Variants in OTOGL observed in about 807,000 individuals in gnomAD.
OTOGL encodes the protein otogelin-like protein.
A neutral mutation model predicts 318.5 loss-of-function variants in OTOGL; 285 were observed. The observed-to-expected ratio is 0.89, with a 90% CI of 0.81 to 0.99. The LOEUF (loss-of-function observed/expected upper bound fraction) is 0.99. Ranked by LOEUF, OTOGL falls within the 50% of genes least tolerant of loss-of-function variation. The probability of loss-of-function intolerance (pLI) is 0.00; values close to 1 mark genes in which losing one functional copy is unlikely to be tolerated. For synonymous variants in OTOGL, 987 were observed against 936.5 expected, an observed-to-expected ratio of 1.05 and a Z score of -0.99; for missense variants, 2,899 against 2,845.6, an observed-to-expected ratio of 1.02 and a Z score of -0.43.
rs1882575900 is a variant in OTOGL, at chr12:80,262,028, C to T, written c.1949C>T (p.Ser650Phe). 4.3e-6 allele frequency: 7 copies of T among 1,613,054 alleles called. No individual in the cohort carries two copies. The South Asian group carries it at 7.7e-5, about 18-fold the overall frequency. The change falls in exon 19 of 59, where the codon TCT (serine) becomes TTT (phenylalanine). Residue 650 changes from serine (S) to phenylalanine (F), a missense_variant. This residue lies in a region of OTOGL where 2,607 missense variants were observed against 2,524.9 expected (regional missense o/e 1.03). Transcript: ENST00000547103. ...PQLHANAWRVSSTCFAPVHVP... is the reference protein window; with the variant it reads ...PQLHANAWRVFSTCFAPVHVP... ...CTTCACGCAAATGCGTGGAGAGTTTCTTCTACCTGTTTTGCACCTGTTCAT... is the reference window on the plus strand; with the variant it reads ...CTTCACGCAAATGCGTGGAGAGTTTTTTCTACCTGTTTTGCACCTGTTCAT...
intron 35 of OTOGL, among the ~76,000 whole-genome samples, chr12:80,324,132 T>C (rs892872797): frequency 6.6e-6 from 1 of 152,182 alleles, no homozygotes; most frequent in East Asian, 1.9e-4. Context: ...AATGTAAATA[T>C]ATAATGCAAC....
chr12:80,290,292 G>T (rs933304920), intron 26 of OTOGL, among the ~76,000 whole-genome samples: 3 of 151,826 alleles, frequency 2.0e-5, no homozygotes, highest in Non-Finnish European at 4.4e-5. Context: ...CCCACCTTCT[G>T]CATTGGTCTC....
intron 1 of OTOGL, among the ~76,000 whole-genome samples, chr12:80,129,796 CTCAG>C (rs887120349): frequency 9.2e-5 from 14 of 152,204 alleles, no homozygotes; most frequent in African/African-American, 3.1e-4. Context: ...TTTTTTTTAA[CTCAG>C]TCATTTTTTT....
At chr12:80,139,375 T>C (rs17006415) in intron 1 of OTOGL, among the ~76,000 whole-genome samples, 9,735 of 152,278 alleles carry the variant, frequency 0.064, 984 homozygotes, top group African/African-American at 0.22. Context: ...TTTTATCCTT[T>C]ATAACTGAGC....
intron 1 of OTOGL, among the ~76,000 whole-genome samples, chr12:80,176,797 A>AT (rs75264200): frequency 7.9e-5 from 12 of 152,038 alleles, no homozygotes; most frequent in African/African-American, 2.7e-4. Flanking sequence ...TGCATATTTA[A>AT]TTTTTTTTAA....
chr12:80,176,461 A>T (rs894099827), intron 1 of OTOGL, among the ~76,000 whole-genome samples: 1 of 152,038 alleles, frequency 6.6e-6, no homozygotes. Flanking sequence ...GTGTCTATAG[A>T]TTAGTTTGCA....
chr12:80,149,942 C>T (rs991391230), intron 1 of OTOGL, among the ~76,000 whole-genome samples: 32 of 152,262 alleles, frequency 2.1e-4, no homozygotes, highest in African/African-American at 6.3e-4. Flanking sequence ...CACTGACCTG[C>T]GCCCACTGTC....
intron 33 of OTOGL, among the ~76,000 whole-genome samples, chr12:80,319,531 T>A (rs1018206324): frequency 2.0e-5 from 3 of 152,200 alleles, no homozygotes; most frequent in Admixed American, 1.3e-4. Flanking sequence ...TAAATTACGC[T>A]GGTTACATTT....
chr12:80,171,598 G>T (rs952110334), intron 1 of OTOGL, among the ~76,000 whole-genome samples: 4 of 152,032 alleles, frequency 2.6e-5, no homozygotes, highest in African/African-American at 4.8e-5. Flanking sequence ...TGAAAAATCA[G>T]GTTCTGTGAA....
In OTOGL at chr12:80,356,432, G is replaced by C. The variant is rs773847083; in HGVS notation, c.5823G>C (p.Leu1941Phe). 4 of 1,610,458 alleles carry C rather than the reference G, an allele frequency of 2.5e-6. No individual in the cohort carries two copies. In the South Asian group the frequency reaches 4.4e-5, roughly 18 times the overall value. ...SKEVCGCDTTLCETSIPTCTN... is the reference protein window; with the variant it reads ...SKEVCGCDTTFCETSIPTCTN... ...TATTTATAGGATGTGACACGACTTT[G>C]TGTGAAACTAGCATTCCAACATGTA... Residue 1941 changes from leucine to phenylalanine, a missense_variant, in exon 48 of 59, where the codon TTG (leucine) becomes TTC (phenylalanine). Physicochemically the swap from Leu to Phe is conservative, Grantham distance 22 (BLOSUM62 0). This residue lies in a region of OTOGL where 2,607 missense variants were observed against 2,524.9 expected (regional missense o/e 1.03). Transcript: ENST00000547103.
At chr12:80,290,155 G>A (rs11829498) in intron 26 of OTOGL, among the ~76,000 whole-genome samples, 4,931 of 152,184 alleles carry the variant, frequency 0.032, 267 homozygotes, top group African/African-American at 0.11. Context: ...TGGTTCCCTG[G>A]CCCCTTGCAC....
intron 17 of OTOGL, among the ~76,000 whole-genome samples, chr12:80,257,307 G>GT (rs372794623): frequency 0.8 from 118,179 of 147,574 alleles, 47,231 homozygotes; most frequent in East Asian, 0.97. Flanking sequence ...TTAAGGTGAA[G>GT]TTTTTTTTTT....
At chr12:80,214,371 T>G (rs1406608073) in intron 4 of OTOGL, among the ~76,000 whole-genome samples, 1 of 152,220 alleles carries the variant, frequency 6.6e-6, no homozygotes. Context: ...CCATGTAGAA[T>G]GCGTCCTAGA....
At position 80,377,834 on chromosome 12, in the gene OTOGL, G is replaced by T. The variant is rs967643676; in HGVS notation, c.6862-14G>T. ...AAAGTTTAAGACTTTTTTTCTCATT[G>T]TCACTTCTTACAGATAAATGTTGCA... On this transcript the variant is annotated splice_polypyrimidine_tract_variant and intron_variant, in intron 58 of 58. Coordinates refer to ENST00000547103, the MANE Select transcript of OTOGL (RefSeq NM_001378609.3). 3.2e-6 allele frequency: 5 copies of T among 1,579,914 alleles called. No individual in the cohort carries two copies. The Admixed American group carries it at 5.3e-5, about 17-fold the overall frequency.
At chr12:80,189,532 G>A in intron 1 of OTOGL, 17 of 888,484 alleles carry the variant, frequency 1.9e-5, no homozygotes, top group Non-Finnish European at 2.3e-5. Flanking sequence ...CTTGGAAGAA[G>A]TGAATTTCTA....
chr12:80,331,715 T>A (rs892235394), intron 37 of OTOGL, among the ~76,000 whole-genome samples: 1 of 152,106 alleles, frequency 6.6e-6, no homozygotes, highest in Non-Finnish European at 1.5e-5. Context: ...CTGTCTTAAG[T>A]CCCCAGAATT....
intron 9 of OTOGL, among the ~76,000 whole-genome samples, chr12:80,234,363 G>T (rs1044631655): frequency 3.9e-5 from 6 of 152,116 alleles, no homozygotes; most frequent in Non-Finnish European, 7.4e-5. Flanking sequence ...CATTGAAGCT[G>T]TAAAGTGCTA....
chr12:80,123,882 GTTGT>G (rs1321791272), intron 1 of OTOGL, among the ~76,000 whole-genome samples: 1 of 152,096 alleles, frequency 6.6e-6, no homozygotes, highest in East Asian at 1.9e-4. Context: ...TTTTGATGGG[GTTGT>G]TTGTTTTTTT....
intron 39 of OTOGL, 63 bp downstream of exon 39, chr12:80,336,203 C>G (rs1888390184): frequency 1.4e-6 from 2 of 1,428,402 alleles, no homozygotes; most frequent in African/African-American, 3.0e-5. Context: ...GAGATTGTTA[C>G]TTTTTTGAAC....
Sources: gnomAD v4.1 joint callset for allele counts (sites outside exome capture counted in the v4.1 genomes callset) on GRCh38, gnomAD v4.1.1 for gene constraint, gnomAD v4.1.1 regional missense constraint, MANE v1.5 for transcripts, NCBI Gene and HGNC (gene_info 2026-07-23, HGNC 2026-07-21) for gene names.